The following RNF213 variants were observed in gnomAD, a reference collection of about 807,000 sequenced individuals.
RNF213 encodes E3 ubiquitin-protein ligase RNF213.
In RNF213, 341 loss-of-function variants were observed where a neutral mutation model predicts 514.4. That is an observed-to-expected ratio of 0.66 (90% CI 0.61 to 0.73). The LOEUF is 0.73. Ranked by LOEUF, RNF213 falls within the 30% of genes least tolerant of loss-of-function variation. RNF213 has a pLI of 0.00. For synonymous variants in RNF213, 2,655 were observed against 2,658.2 expected, an observed-to-expected ratio of 1.00 and a Z score of 0.04; for missense variants, 5,767 against 6,615.6, an observed-to-expected ratio of 0.87 and a Z score of 4.45.
chr17:80,290,543 C>T (rs1461076129), intron 6 of RNF213, 27 bp from the exon 7 acceptor site: 1 of 1,612,748 alleles, frequency 6.2e-7, no homozygotes, highest in African/African-American at 1.3e-5. Context: ...TCACGGGAAT[C>T]AGATTTCTGT....
At chr17:80,302,188 G>A (rs1445870643) in intron 11 of RNF213, among the ~76,000 whole-genome samples, 1 of 152,164 alleles carries the variant, frequency 6.6e-6, no homozygotes, top group Non-Finnish European at 1.5e-5. Flanking sequence ...TGGCTAGATA[G>A]GACGAGTAAG....
intron 20 of RNF213, 43 bp downstream of exon 20, chr17:80,328,520 G>A (rs1263332385): frequency 1.3e-6 from 2 of 1,531,762 alleles, no homozygotes; most frequent in Admixed American, 2.0e-5. Flanking sequence ...GCTCTCAAAG[G>A]GTTAGAGGAG....
intron 3 of RNF213, among the ~76,000 whole-genome samples, chr17:80,287,041 G>C (rs147311375): frequency 6.6e-6 from 1 of 152,104 alleles, no homozygotes; most frequent in Non-Finnish European, 1.5e-5. Flanking sequence ...TGCATAAAAC[G>C]TGGAAAGCCT....
intron 44 of RNF213, among the ~76,000 whole-genome samples, chr17:80,368,419 A>G (rs1267751405): frequency 6.7e-6 from 1 of 149,054 alleles, no homozygotes; most frequent in Non-Finnish European, 1.5e-5. Context: ...GGCCCAAGGA[A>G]TGTAGACGCC....
chr17:80,338,068 A>G (rs954456072), intron 25 of RNF213, 71 bp downstream of exon 25: 1 of 1,507,854 alleles, frequency 6.6e-7, no homozygotes, highest in Non-Finnish European at 8.9e-7. Context: ...TGTACTCCCA[A>G]GAAAACGGAA....
At chr17:80,356,261 C>T (rs1272694700) in intron 36 of RNF213, among the ~76,000 whole-genome samples, 6 of 152,198 alleles carry the variant, frequency 3.9e-5, no homozygotes, top group African/African-American at 4.8e-5. Flanking sequence ...CTCAGCCTCC[C>T]GAAGTGCTGG....
At chr17:80,269,365 C>T (rs1222119040) in intron 2 of RNF213, among the ~76,000 whole-genome samples, 6 of 151,560 alleles carry the variant, frequency 4.0e-5, no homozygotes, top group African/African-American at 1.5e-4. Context: ...TATCTGTCCA[C>T]CTACCCTATC....
intron 36 of RNF213, among the ~76,000 whole-genome samples, chr17:80,357,607 TTTTA>T (rs1179513758): frequency 2.0e-5 from 3 of 152,252 alleles, no homozygotes; most frequent in Non-Finnish European, 4.4e-5. Flanking sequence ...ATCGTCATAA[TTTTA>T]TTTATTTAGA....
chr17:80,296,306 C>T (rs1338169284), intron 10 of RNF213, among the ~76,000 whole-genome samples: 2 of 152,208 alleles, frequency 1.3e-5, no homozygotes, highest in African/African-American at 4.8e-5. Context: ...AGGCGTGAGC[C>T]ACCGTGCTGG....
At chr17:80,348,434 TGG>T (rs1051789242) in intron 29 of RNF213, 148 bp downstream of exon 29, 14 of 1,167,190 alleles carry the variant, frequency 1.2e-5, no homozygotes, top group Non-Finnish European at 1.6e-5. Flanking sequence ...GCGGTAAGTG[TGG>T]GGAGTAGGTC....
intron 59 of RNF213, 28 bp downstream of exon 59, chr17:80,383,956 CCT>C (rs759562976): frequency 4.3e-6 from 7 of 1,613,972 alleles, no homozygotes; most frequent in Non-Finnish European, 5.1e-6. Context: ...TGGCTCCCTC[CCT>C]CTTTCGGTGC....
intron 55 of RNF213, 57 bp downstream of exon 55, chr17:80,379,771 T>G: frequency 7.1e-7 from 1 of 1,406,482 alleles, no homozygotes; most frequent in Non-Finnish European, 1.0e-6. Context: ...GTTGGGCTGT[T>G]TTTATTCCAG....
chr17:80,369,624 T>C lies in RNF213; in HGVS notation c.12278T>C (p.Leu4093Pro). 6 of 1,614,220 alleles carry C rather than the reference T, an allele frequency of 3.7e-6. No homozygotes were observed. Among genetic ancestry groups the C allele is most frequent in the Non-Finnish European group, 5.1e-6 (6 of 1,180,020 alleles). ...PPEKEVIESL[L>P]SLLFVQKGRL... ...GAGAAGGAAGTGATTGAGAGCCTGCTCTCTCTCCTCTTCGTCCAAAAGGGG... is the reference window on the plus strand; with the variant it reads ...GAGAAGGAAGTGATTGAGAGCCTGCCCTCTCTCCTCTTCGTCCAAAAGGGG... The change falls in exon 45 of 68, where the codon CTC (leucine) becomes CCC (proline). Residue 4093 changes from leucine to proline, a missense_variant. By Grantham distance (98) the Leu-to-Pro change is moderately conservative. Transcript: ENST00000582970.
chr17:80,391,353 C>G (rs1455869943), intron 67 of RNF213, among the ~76,000 whole-genome samples: 7 of 152,178 alleles, frequency 4.6e-5, no homozygotes, highest in African/African-American at 1.7e-4. Context: ...TTAGTGCAAC[C>G]GCTGCCTTCT....
intron 38 of RNF213, 99 bp downstream of exon 38, chr17:80,360,305 A>T: frequency 7.2e-7 from 1 of 1,382,778 alleles, no homozygotes; most frequent in Non-Finnish European, 1.0e-6. Context: ...TGCAAGGTGA[A>T]TTTTGGAGTT....
Position 80,347,657 on chromosome 17 carries a change from C to T in RNF213, c.9322C>T (p.Leu3108Phe), listed in dbSNP as rs1378825983. ...KMVLLLNLQN[L>F]YESLYDALNQ... ...GGTGTTGCTTCTCAACCTGCAGAAC[C>T]TCTACGAGAGCCTCTACGACGCACT... The change falls in exon 29 of 68, where the codon CTC (leucine) becomes TTC (phenylalanine). Residue 3108 changes from leucine (L) to phenylalanine (F), a missense_variant. Coordinates refer to ENST00000582970, the MANE Select transcript of RNF213 (RefSeq NM_001256071.3). The surrounding 1 kb of genome is among the most constrained non-coding windows in gnomAD (Gnocchi z 7.2). 11 of 1,614,182 alleles carry T rather than the reference C, an allele frequency of 6.8e-6. No homozygotes were observed. The highest frequency in any genetic ancestry group is 9.3e-6 in the Non-Finnish European group (11 of 1,180,040).
At chr17:80,283,835 G>A (rs1177591109) in intron 3 of RNF213, among the ~76,000 whole-genome samples, 2 of 152,218 alleles carry the variant, frequency 1.3e-5, no homozygotes, top group Non-Finnish European at 2.9e-5. Flanking sequence ...TTATGTCATC[G>A]AAGCTGCTAG....
At chr17:80,381,948 G>A (rs546051766) in intron 57 of RNF213, 6 of 575,230 alleles carry the variant, frequency 1.0e-5, no homozygotes, top group African/African-American at 5.6e-5. Flanking sequence ...GCTGGAAGGA[G>A]CTGCTCTGTT....
intron 1 of RNF213, 25 bp downstream of exon 1, chr17:80,260,927 C>G (rs1172389579): frequency 6.6e-6 from 1 of 151,530 alleles, no homozygotes; most frequent in Non-Finnish European, 1.5e-5. Context: ...GGAGAGTCTC[C>G]CGGGGCGGGG....
Sources: gnomAD v4.1 joint callset for allele counts (sites outside exome capture counted in the v4.1 genomes callset) on GRCh38, gnomAD v4.1.1 for gene constraint, Gnocchi (gnomAD v3.1) non-coding constraint, MANE v1.5 for transcripts, NCBI Gene and HGNC (gene_info 2026-07-23, HGNC 2026-07-21) for gene names.